NCKAP5: variants seen among roughly 807,000 people sequenced by gnomAD.
NCKAP5 encodes nck-associated protein 5.
A neutral mutation model predicts 167.0 loss-of-function variants in NCKAP5; 92 were observed. The observed-to-expected ratio is 0.55, with a 90% confidence interval of 0.47 to 0.66. The LOEUF (loss-of-function observed/expected upper bound fraction) is 0.66, where lower values mean the gene tolerates loss of function less well. Ranked by LOEUF, NCKAP5 falls within the 30% of genes least tolerant of loss-of-function variation. The probability of loss-of-function intolerance (pLI) is 0.00; values close to 1 mark genes in which losing one functional copy is unlikely to be tolerated. For missense variants in NCKAP5, 2,378 were observed against 2,315.0 expected, an observed-to-expected ratio of 1.03 and a Z score of -0.56; for synonymous variants, 891 against 877.4, an observed-to-expected ratio of 1.02 and a Z score of -0.27.
intron 6 of NCKAP5, among the ~76,000 whole-genome samples, chr2:133,053,942 A>G (rs2079698547): frequency 6.6e-6 from 1 of 152,260 alleles, no homozygotes; most frequent in Non-Finnish European, 1.5e-5. Flanking sequence ...AAAATTTCAT[A>G]TTAATTGCCA....
At chr2:133,664,395 G>C in the NCKAP5 span, among the ~76,000 whole-genome samples, 1 of 152,286 alleles carries the variant, frequency 6.6e-6, no homozygotes, top group East Asian at 1.9e-4. Flanking sequence ...CCTGTCCTTC[G>C]AAGCTTTGAA....
intron 6 of NCKAP5, among the ~76,000 whole-genome samples, chr2:133,014,742 C>T (rs919764174): frequency 9.2e-5 from 14 of 152,128 alleles, no homozygotes; most frequent in Admixed American, 7.9e-4. Flanking sequence ...AGTGAACTGC[C>T]CAAGCCTCTT....
chr2:133,009,121 G>A (rs996700944), intron 6 of NCKAP5, among the ~76,000 whole-genome samples: 3 of 152,158 alleles, frequency 2.0e-5, no homozygotes, highest in African/African-American at 7.2e-5. Flanking sequence ...AGGTCTACTT[G>A]AGACCTAGTA....
chr2:132,927,775 T>A (rs1288063520), intron 8 of NCKAP5, among the ~76,000 whole-genome samples: 1 of 152,086 alleles, frequency 6.6e-6, no homozygotes, highest in Non-Finnish European at 1.5e-5. Flanking sequence ...TTTGGAGACA[T>A]CGTTAGGGTT....
chr2:133,561,845 ACTTC>A (rs1297264749), intron 1 of NCKAP5, among the ~76,000 whole-genome samples: 3 of 152,212 alleles, frequency 2.0e-5, no homozygotes, highest in African/African-American at 7.2e-5. Context: ...CAACTGGGAA[ACTTC>A]AGCTATAGGG....
intron 3 of NCKAP5, among the ~76,000 whole-genome samples, chr2:133,321,357 T>C (rs568357668): frequency 6.6e-6 from 1 of 152,208 alleles, no homozygotes; most frequent in East Asian, 1.9e-4. Flanking sequence ...ATTGTGGAGG[T>C]CCCAGGTTTT....
chr2:133,459,086 CTAA>C (rs1238341449), intron 3 of NCKAP5, among the ~76,000 whole-genome samples: 1 of 152,124 alleles, frequency 6.6e-6, no homozygotes, highest in Non-Finnish European at 1.5e-5. Context: ...CTCTCTGATG[CTAA>C]GTTCATGGCA....
At chr2:133,277,847 C>T (rs1393143966) in intron 4 of NCKAP5, among the ~76,000 whole-genome samples, 1 of 152,098 alleles carries the variant, frequency 6.6e-6, no homozygotes, top group Non-Finnish European at 1.5e-5. Context: ...TATCTATGGA[C>T]ATTCAACATA....
At chr2:133,510,734 G>A (rs1046537036) in intron 3 of NCKAP5, among the ~76,000 whole-genome samples, 4 of 152,202 alleles carry the variant, frequency 2.6e-5, no homozygotes, top group Admixed American at 2.0e-4. Context: ...CTGGCATAAA[G>A]CAATTTTCTG....
chr2:133,666,143 T>TTACTA, the NCKAP5 span, among the ~76,000 whole-genome samples: 1 of 151,768 alleles, frequency 6.6e-6, no homozygotes. Context: ...CATTTACCAC[T>TTACTA]TACTATATCA....
intron 4 of NCKAP5, among the ~76,000 whole-genome samples, chr2:133,235,689 G>A (rs1213278740): frequency 6.6e-6 from 1 of 152,076 alleles, no homozygotes; most frequent in Non-Finnish European, 1.5e-5. Flanking sequence ...TGGATCACCT[G>A]AGGTTAGGAG....
the NCKAP5 span, among the ~76,000 whole-genome samples, chr2:133,574,821 G>A: frequency 2.0e-5 from 3 of 152,106 alleles, no homozygotes; most frequent in Admixed American, 2.0e-4. Context: ...AACAACCCTG[G>A]AAAGTCAACA....
At chr2:133,475,628 G>C (rs926651139) in intron 3 of NCKAP5, among the ~76,000 whole-genome samples, 3 of 152,090 alleles carry the variant, frequency 2.0e-5, no homozygotes, top group African/African-American at 7.2e-5. Context: ...ACTTCCCTTT[G>C]TATGGATTTC....
intron 3 of NCKAP5, among the ~76,000 whole-genome samples, chr2:133,409,837 T>C (rs1329769022): frequency 6.6e-6 from 1 of 152,228 alleles, no homozygotes; most frequent in Non-Finnish European, 1.5e-5. Context: ...GACTTTGCTA[T>C]GAAGGATCAA....
chr2:132,796,721 G>A lies in NCKAP5; in HGVS notation c.816C>T (p.His272=), dbSNP rs1346195886. Residue 272 remains histidine (H), a synonymous_variant, in exon 12 of 20, where the codon CAC becomes CAT. Coordinates refer to ENST00000409261, the MANE Select transcript of NCKAP5 (RefSeq NM_207363.3). ...CAGATGAAAGATCCAAGAGACGTGA[G>A]TGAAGTTTCTAGGTAAAACCAAGCA... ...PTSDLLLQKL[H]SRLLDLSSGD... 6.2e-7 allele frequency: 1 copy of A among 1,609,810 alleles called. No individual in the cohort carries two copies.
At chr2:133,383,163 C>G (rs958816990) in intron 3 of NCKAP5, among the ~76,000 whole-genome samples, 6 of 151,820 alleles carry the variant, frequency 4.0e-5, no homozygotes, top group African/African-American at 1.5e-4. Context: ...TGTGCTGTAC[C>G]CATTAACTTA....
chr2:133,220,636 T>A (rs2086621706), intron 4 of NCKAP5, among the ~76,000 whole-genome samples: 1 of 152,084 alleles, frequency 6.6e-6, no homozygotes, highest in African/African-American at 2.4e-5. Context: ...GCCAACAGGA[T>A]GTTGGCATTC....
At chr2:133,604,700 CT>C in the NCKAP5 span, among the ~76,000 whole-genome samples, 13 of 152,166 alleles carry the variant, frequency 8.5e-5, no homozygotes, top group African/African-American at 2.9e-4. Context: ...TCAGTTTTCT[CT>C]CTCTGCAAGA....
intron 6 of NCKAP5, among the ~76,000 whole-genome samples, chr2:133,068,440 T>C (rs1389848923): frequency 2.0e-5 from 3 of 152,194 alleles, no homozygotes; most frequent in Non-Finnish European, 2.9e-5. Flanking sequence ...ATGGCCTGAA[T>C]ATACTGGCAG....
Sources: gnomAD v4.1 joint callset for allele counts (sites outside exome capture counted in the v4.1 genomes callset) on GRCh38, gnomAD v4.1.1 for gene constraint, MANE v1.5 for transcripts, NCBI Gene and HGNC (gene_info 2026-07-23, HGNC 2026-07-21) for gene names.